Variants in KHNYN observed in about 807,000 individuals in gnomAD.
KHNYN encodes the protein KH and NYN domain containing.
In KHNYN, 42 loss-of-function variants were observed where a neutral mutation model predicts 62.7. That is an observed-to-expected ratio of 0.67 (90% CI 0.52 to 0.87). The LOEUF (loss-of-function observed/expected upper bound fraction) is 0.87. KHNYN is among the 40% of genes least tolerant of loss of function. The pLI, the probability that KHNYN is intolerant of heterozygous loss-of-function variation, is 0.00. For synonymous variants in KHNYN, 347 were observed against 345.6 expected (o/e 1.00, Z -0.04); for missense variants, 829 against 874.1 (o/e 0.95, Z 0.65).
rs1286094910 is a variant in KHNYN, at chr14:24,438,580, G to A, written c.*1295G>A. The A allele has an allele frequency of 1.3e-5, 2 of 152,180 alleles. No homozygotes were observed. Among genetic ancestry groups the A allele is most frequent in the Admixed American group, 6.5e-5 (1 of 15,278 alleles). The allele number at this position is 152,180 out of a possible 1,614,324, so 9.4% of individuals were successfully genotyped here. A position where few individuals can be genotyped will look rare whatever the true frequency, so the allele number is the denominator to read the frequency against. On this transcript the variant is annotated 3_prime_UTR_variant, in exon 8 of 8. Coordinates refer to ENST00000553935, the MANE Select transcript of KHNYN (RefSeq NM_015299.3). The stretch of plus-strand genomic sequence containing the variant: ...TTCACCCTGATTCCTAGAGGTCATT[G>A]CCCTGGATCTGCTTGAAGTCCTCCT...
chr14:24,425,179 C>T (rs112765198), upstream of KHNYN, among the ~76,000 whole-genome samples: 1,065 of 152,216 alleles, frequency 7.0e-3, 15 homozygotes, highest in African/African-American at 0.024. Context: ...CCGGCCTGGT[C>T]GACAGAGCAT....
Position 24,430,095 on chromosome 14 carries a change from G to A in KHNYN, c.-42G>A, listed in dbSNP as rs997526939. The stretch of plus-strand genomic sequence containing the variant: ...GGCCTGGCGGGCGCTGAGAGGACCT[G>A]AAGCCGGCGCGGGCGGCGGAGGCGG... On this transcript the variant is annotated 5_prime_UTR_variant, in exon 1 of 8. Transcript: ENST00000553935. The A allele has an allele frequency of 5.1e-6, 5 of 985,412 alleles. No homozygotes were observed. In the African/African-American group the frequency reaches 8.7e-5, roughly 17 times the overall value. The allele number at this position is 985,412 out of a possible 1,614,324, so 61.0% of individuals were successfully genotyped here. A position where few individuals can be genotyped will look rare whatever the true frequency, so the allele number is the denominator to read the frequency against.
chr14:24,432,010 G>A lies in KHNYN; in HGVS notation c.749G>A (p.Gly250Glu). ...CCCGGAGATTGCAGGGGAGCAAGGGGAGACACTTACGCTGTGGAGAAGGAG... is the reference window on the plus strand; with the variant it reads ...CCCGGAGATTGCAGGGGAGCAAGGGAAGACACTTACGCTGTGGAGAAGGAG... ...MGPGDCRGARGDTYAVEKEGG... is the reference protein window; with the variant it reads ...MGPGDCRGAREDTYAVEKEGG... The change falls in exon 3 of 8, where the codon GGA (glycine) becomes GAA (glutamate). Residue 250 changes from glycine to glutamate, a missense_variant. Gly to Glu is a moderately conservative substitution (Grantham distance 98). Transcript: ENST00000553935. The surrounding 1 kb of genome is among the most constrained non-coding windows in gnomAD (Gnocchi z 5.6). 6.8e-6 allele frequency: 11 copies of A among 1,610,912 alleles called. No individual in the cohort carries two copies. Among genetic ancestry groups the A allele is most frequent in the Non-Finnish European group, 9.3e-6 (11 of 1,177,928 alleles).
chr14:24,441,730 T>A lies in KHNYN; in HGVS notation c.*4445T>A, dbSNP rs769544752. 1 of 1,602,216 alleles carries A rather than the reference T, an allele frequency of 6.2e-7. No individual in the cohort carries two copies. Among genetic ancestry groups the A allele is most frequent in the South Asian group, 1.1e-5 (1 of 88,958 alleles). On this transcript the variant is annotated 3_prime_UTR_variant, in exon 8 of 8. Coordinates refer to ENST00000553935, the MANE Select transcript of KHNYN (RefSeq NM_015299.3). ...GGGTTGTGGGGCTTTGGTGATGGCT[T>A]TAGCCAGCAATTGGGTGGTCTCTAG...
intron 5 of KHNYN, 31 bp downstream of exon 5, chr14:24,433,063 A>G: frequency 6.4e-7 from 1 of 1,573,724 alleles, no homozygotes; most frequent in South Asian, 1.1e-5. Context: ...CCCAGGCTTG[A>G]TATTGAAGGA....
At position 24,432,732 on chromosome 14, in the gene KHNYN, C is replaced by T; in HGVS notation, c.1360C>T (p.Gln454Ter). The T allele has an allele frequency of 6.2e-7, 1 of 1,614,168 alleles. No individual in the cohort carries two copies. Among genetic ancestry groups the T allele is most frequent in the Non-Finnish European group, 8.5e-7 (1 of 1,180,028 alleles). ...CCCCTCCCACTACAGGCATGGCCTC[C>T]AGCACTACTTCTCCAGCCGGGGCAT... ...GSNVAMVHGL[Q>*]HYFSSRGIAI... is the part of the protein sequence containing the mutation. The change falls in exon 4 of 8, where the codon CAG (glutamine) becomes TAG (stop). Residue 454 changes from glutamine (Q) to a stop codon, truncating the protein, a stop_gained. Coordinates refer to ENST00000553935, the MANE Select transcript of KHNYN (RefSeq NM_015299.3). LOFTEE classifies it high-confidence loss of function. The surrounding 1 kb of genome is among the most constrained non-coding windows in gnomAD (Gnocchi z 5.6).
At position 24,432,621 on chromosome 14, in the gene KHNYN, G is replaced by C; in HGVS notation, c.1349+11G>C. The C allele has an allele frequency of 6.2e-7, 1 of 1,607,408 alleles. No homozygotes were observed. Among genetic ancestry groups the C allele is most frequent in the Non-Finnish European group, 8.5e-7 (1 of 1,175,170 alleles). On this transcript the variant is annotated intron_variant, in intron 3 of 7. Coordinates refer to ENST00000553935, the MANE Select transcript of KHNYN (RefSeq NM_015299.3). The surrounding 1 kb of genome is among the most constrained non-coding windows in gnomAD (Gnocchi z 5.6). ...CAACGTGGCCATGGTGTGAGTACCT[G>C]GTGGGGCTAAGGGCCTAGGAGAGGG...
intron 5 of KHNYN, chr14:24,435,707 A>C (rs1262093891): frequency 3.7e-6 from 1 of 270,456 alleles, no homozygotes; most frequent in Non-Finnish European, 7.1e-6. Context: ...GTTGGCAGAT[A>C]GGATGCTACT....
Position 24,440,324 on chromosome 14 carries a change from AC to A in KHNYN, c.*3043del. ...GGAGGATGGAGCCACTCCATTCAGG[AC>A]CCCGTGCACGTGGTTTGCTTCAAGG... is the stretch of plus-strand genomic sequence containing the variant. On this transcript the variant is annotated 3_prime_UTR_variant, in exon 8 of 8. Coordinates refer to ENST00000553935, the MANE Select transcript of KHNYN (RefSeq NM_015299.3). The A allele has an allele frequency of 6.2e-7, 1 of 1,613,776 alleles. No individual in the cohort carries two copies. Among genetic ancestry groups the A allele is most frequent in the African/African-American group, 1.3e-5 (1 of 74,934 alleles).
chr14:24,429,006 C>T (rs375714567), upstream of KHNYN: 350 of 1,547,156 alleles, frequency 2.3e-4, no homozygotes, highest in Non-Finnish European at 2.9e-4. Context: ...AAGGGCAGCC[C>T]GGGACTGTGT....
upstream of KHNYN, chr14:24,427,192 G>C (rs1350888605): frequency 6.5e-6 from 1 of 154,908 alleles, no homozygotes; most frequent in South Asian, 2.0e-4. The surrounding 1 kb of genome is among the most constrained non-coding windows in gnomAD (Gnocchi z 4.4). Context: ...TGTGTACCAT[G>C]TTCAGTCTAG....
rs1397173651 is a variant in KHNYN at position 24,432,431 on chromosome 14, G to A, written c.1170G>A (p.Gln390=). The A allele has an allele frequency of 6.2e-7, 1 of 1,613,458 alleles. No individual in the cohort carries two copies. The highest frequency in any genetic ancestry group is 8.5e-7 in the Non-Finnish European group (1 of 1,179,850). ...GDVGDRGDKQ[Q]GMARGRGPQW... ...TGGGGGACAGGGGAGACAAGCAGCA[G>A]GGCATGGCACGGGGTCGGGGGCCTC... The change falls in exon 3 of 8, where the codon CAG becomes CAA. Residue 390 remains glutamine (Q), a synonymous_variant. Transcript: ENST00000553935. The surrounding 1 kb of genome is among the most constrained non-coding windows in gnomAD (Gnocchi z 5.6).
In KHNYN at chr14:24,441,071, ACTT is replaced by A. The variant is rs760553401; in HGVS notation, c.*3789_*3791del. The A allele has an allele frequency of 6.6e-6, 6 of 902,464 alleles. No homozygotes were observed. Among genetic ancestry groups the A allele is most frequent in the Non-Finnish European group, 1.1e-5 (6 of 560,638 alleles). The allele number at this position is 902,464 out of a possible 1,614,324, so 55.9% of individuals were successfully genotyped here. A position where few individuals can be genotyped will look rare whatever the true frequency, so the allele number is the denominator to read the frequency against. On this transcript the variant is annotated 3_prime_UTR_variant, in exon 8 of 8. Coordinates refer to ENST00000553935, the MANE Select transcript of KHNYN (RefSeq NM_015299.3). ...AGCCATTTGGATATTTTCCCCTTGA[ACTT>A]CTCCATGACCTGAAGCGTTCCTTCC...
upstream of KHNYN, chr14:24,428,040 C>T: frequency 6.5e-7 from 1 of 1,547,790 alleles, no homozygotes; most frequent in Non-Finnish European, 8.8e-7. Flanking sequence ...CTCAGGACCC[C>T]CCACTTTCCC....
In KHNYN at chr14:24,435,935, A is replaced by C. The variant is rs2043197190; in HGVS notation, c.1578-137A>C. ...TATTTTTGTAGATTTGGGGGATACC[A>C]ATACAGTTTTGCTACATAGATATAT... On this transcript the variant is annotated intron_variant, in intron 5 of 7. Coordinates refer to ENST00000553935, the MANE Select transcript of KHNYN (RefSeq NM_015299.3). 41 of 683,194 alleles carry C rather than the reference A, an allele frequency of 6.0e-5. No individual in the cohort carries two copies. The South Asian group carries it at 6.6e-4, about 11-fold the overall frequency. The allele number at this position is 683,194 out of a possible 1,614,324, so 42.3% of individuals were successfully genotyped here. A position where few individuals can be genotyped will look rare whatever the true frequency, so the allele number is the denominator to read the frequency against.
At chr14:24,430,164 C>T (rs1310355013) in intron 1 of KHNYN, 45 bp downstream of exon 1, 3 of 982,260 alleles carry the variant, frequency 3.1e-6, no homozygotes, top group East Asian at 1.1e-4. Context: ...GAGCGGGGGC[C>T]GCGGTGCGGA....
rs2043270213 is a variant in KHNYN at position 24,439,959 on chromosome 14, AAG to A, written c.*2677_*2678del. The A allele has an allele frequency of 6.8e-6, 5 of 737,664 alleles. No individual in the cohort carries two copies. The highest frequency in any genetic ancestry group is 1.1e-5 in the Non-Finnish European group (5 of 462,346). 45.7% of individuals were successfully genotyped at this position (737,664 alleles called of 1,614,324 possible). On this transcript the variant is annotated 3_prime_UTR_variant, in exon 8 of 8. Transcript: ENST00000553935. Reference sequence around the variant, plus strand: ...AAGGTGGAGCAACAGAACAATGGGAAAGAGGACTGGGAGAGGAATCTAAGAAC... The same window carrying A: ...AAGGTGGAGCAACAGAACAATGGGAAAGGACTGGGAGAGGAATCTAAGAAC...
Position 24,436,147 on chromosome 14 carries a change from GTC to G in KHNYN, c.1655_1656del (p.Ser552Ter). The G allele has an allele frequency of 6.2e-7, 1 of 1,614,142 alleles. No individual in the cohort carries two copies. Among genetic ancestry groups the G allele is most frequent in the South Asian group, 1.1e-5 (1 of 91,088 alleles). On this transcript the variant is annotated frameshift_variant, in exon 6 of 8. Transcript: ENST00000553935. LOFTEE classifies it high-confidence loss of function. Reference protein sequence around the residue: ...NDQFRDLAEESEKWMAIIRER... With the variant: ...NDQFRDLAEEXEKWMAIIRER... ...ACCAGTTCCGGGACCTGGCGGAGGAGTCTGAGAAGTGGATGGCAATCATCAGA... is the reference window on the plus strand; with the variant it reads ...ACCAGTTCCGGGACCTGGCGGAGGAGTGAGAAGTGGATGGCAATCATCAGA...
rs201317227 is a variant in KHNYN, at chr14:24,440,380, G to A, written c.*3095G>A. 2.7e-5 allele frequency: 43 copies of A among 1,613,964 alleles called. No homozygotes were observed. In the African/African-American group the frequency reaches 4.0e-4, roughly 15 times the overall value. On this transcript the variant is annotated 3_prime_UTR_variant, in exon 8 of 8. Coordinates refer to ENST00000553935, the MANE Select transcript of KHNYN (RefSeq NM_015299.3). ...GGGTCAGGATTCCTGCCAGGTCCCCGATGTGTATCCAGGGGAAGAATTGGT... is the reference window on the plus strand; with the variant it reads ...GGGTCAGGATTCCTGCCAGGTCCCCAATGTGTATCCAGGGGAAGAATTGGT...
Sources: allele counts gnomAD v4.1 joint callset (sites outside exome capture counted in the v4.1 genomes callset), GRCh38; gene constraint gnomAD v4.1.1; non-coding constraint Gnocchi (gnomAD v3.1); transcripts MANE v1.5; gene names NCBI Gene and HGNC (gene_info 2026-07-23, HGNC 2026-07-21).